NRL: variants seen among roughly 807,000 people sequenced by gnomAD.
NRL encodes neural retina-specific leucine zipper protein.
In NRL, 16 loss-of-function variants were observed where a neutral mutation model predicts 12.5. The observed-to-expected ratio is 1.28, with a 90% CI of 0.87 to 1.95. The LOEUF (loss-of-function observed/expected upper bound fraction) is 1.95, where lower values mean the gene tolerates loss of function less well. Among genes scored for constraint, NRL ranks in the 30% most tolerant of loss-of-function variants. The probability of loss-of-function intolerance (pLI) is 0.00; values close to 1 mark genes in which losing one functional copy is unlikely to be tolerated. For synonymous variants in NRL, 142 were observed against 150.9 expected, an observed-to-expected ratio of 0.94 and a Z score of 0.43; for missense variants, 314 against 325.8, an observed-to-expected ratio of 0.96 and a Z score of 0.28.
chr14:24,102,694 G>A (rs2037209000), intron 1 of NRL: 2 of 1,426,918 alleles, frequency 1.4e-6, no homozygotes, highest in East Asian at 2.3e-5. Context: ...GCCCATGTAT[G>A]TGTGTGTTGG....
At chr14:24,103,305 C>T (rs370135359) in intron 1 of NRL, 634 of 1,439,568 alleles carry the variant, frequency 4.4e-4, no homozygotes, top group Non-Finnish European at 5.7e-4. Flanking sequence ...CACAGCACGT[C>T]CTCTCTCCCT....
intron 1 of NRL, chr14:24,100,383 C>T (rs1594303291): frequency 2.9e-6 from 4 of 1,388,034 alleles, no homozygotes; most frequent in Non-Finnish European, 3.8e-6. Flanking sequence ...GTCCCAACTC[C>T]ACCAGTCACT....
At chr14:24,099,412 C>A in intron 1 of NRL, 2 of 1,001,076 alleles carry the variant, frequency 2.0e-6, no homozygotes, top group Non-Finnish European at 2.9e-6. Context: ...TCCCCTGCCA[C>A]TAACCCAGGC....
chr14:24,099,066 T>G, intron 1 of NRL: 1 of 1,603,522 alleles, frequency 6.2e-7, no homozygotes, highest in Non-Finnish European at 8.5e-7. Flanking sequence ...AGTGAGCCAG[T>G]GGCCGTGCAA....
rs2036262174 is a variant in NRL at position 24,080,963 on chromosome 14, C to T, written c.*273G>A. ...GTCACCACACTTCCACCCCCCAGTGCCTGGCACTGGTCCCTGCAGAGCTCA... is the reference window on the plus strand; with the variant it reads ...GTCACCACACTTCCACCCCCCAGTGTCTGGCACTGGTCCCTGCAGAGCTCA... On this transcript the variant is annotated 3_prime_UTR_variant, in exon 3 of 3. Transcript: ENST00000561028. 2 of 348,124 alleles carry T rather than the reference C, an allele frequency of 5.7e-6. No homozygotes were observed. Among genetic ancestry groups the T allele is most frequent in the Admixed American group, 9.6e-5 (2 of 20,816 alleles). 21.6% of individuals were successfully genotyped at this position (348,124 alleles called of 1,614,324 possible).
intron 1 of NRL, chr14:24,095,284 G>T: frequency 2.2e-6 from 1 of 452,872 alleles, no homozygotes; most frequent in Non-Finnish European, 4.4e-6. Flanking sequence ...GATAACGTGA[G>T]CCAGGCTCCA....
intron 1 of NRL, chr14:24,103,416 T>G (rs758340599): frequency 3.2e-6 from 4 of 1,254,216 alleles, no homozygotes; most frequent in Non-Finnish European, 4.5e-6. Flanking sequence ...TTCAGAACCA[T>G]AAGCCTTTCA....
chr14:24,082,041 G>A, intron 2 of NRL: 1 of 1,203,898 alleles, frequency 8.3e-7, no homozygotes, highest in Non-Finnish European at 1.0e-6. Context: ...AATAGGATGA[G>A]TCCCAATCCT....
intron 1 of NRL, among the ~76,000 whole-genome samples, chr14:24,090,906 T>G (rs1177017587): frequency 3.9e-5 from 6 of 152,246 alleles, no homozygotes; most frequent in Non-Finnish European, 7.3e-5. Flanking sequence ...TCATTCATTC[T>G]TTTATTCAAC....
chr14:24,114,139 T>G (rs1594328094), intron 1 of NRL: 1 of 152,050 alleles, frequency 6.6e-6, no homozygotes, highest in Non-Finnish European at 1.5e-5. Context: ...GGTCTGCAAA[T>G]CCCGGAGGGC....
At position 24,097,125 on chromosome 14, in the gene NRL, A is replaced by G. The variant is rs533717139; in HGVS notation, c.-27-14250T>C. On this transcript the variant is annotated intron_variant, in intron 1 of 2. Transcript: ENST00000561028. Reference sequence around the variant, plus strand: ...CAGGGCCTCATCCGAAAGCTCCCCAAGTACAATAACTGGTAAGCCTTGGGC... The same window carrying G: ...CAGGGCCTCATCCGAAAGCTCCCCAGGTACAATAACTGGTAAGCCTTGGGC... The G allele has an allele frequency of 6.2e-6, 10 of 1,613,988 alleles. 1 individual carries two copies. The South Asian group carries it at 1.1e-4, about 18-fold the overall frequency.
At position 24,094,184 on chromosome 14, in the gene NRL, GC is replaced by G; in HGVS notation, c.-27-11310del. The G allele has an allele frequency of 3.6e-6, 2 of 559,884 alleles. No homozygotes were observed. Among genetic ancestry groups the G allele is most frequent in the Non-Finnish European group, 6.2e-6 (2 of 322,880 alleles). The allele number at this position is 559,884 out of a possible 1,614,324, so 34.7% of individuals were successfully genotyped here. ...GGGGCGGCGGCTGGGCTGACCTGGA[GC>G]CTGGAGCCCCGGGGCCGAGGGAGCT... On this transcript the variant is annotated intron_variant, in intron 1 of 2. Transcript: ENST00000561028. The surrounding 1 kb of genome is among the most constrained non-coding windows in gnomAD (Gnocchi z 4.1).
chr14:24,114,166 G>A (rs527729268), intron 1 of NRL: 1 of 152,424 alleles, frequency 6.6e-6, no homozygotes, highest in Non-Finnish European at 1.5e-5. Flanking sequence ...AGCGTCAAAG[G>A]GGACAGCGGA....
intron 1 of NRL, 26 bp downstream of exon 1, chr14:24,114,696 G>A (rs1261917703): frequency 1.0e-6 from 1 of 985,834 alleles, no homozygotes; most frequent in East Asian, 1.1e-4. Flanking sequence ...CCTCCCCTCA[G>A]GCACCTCGCG....
chr14:24,103,253 A>G, intron 1 of NRL: 1 of 1,611,322 alleles, frequency 6.2e-7, no homozygotes, highest in Non-Finnish European at 8.5e-7. Context: ...GCAGAACACA[A>G]AGGTGAGCAC....
At chr14:24,095,464 G>T (rs1423305097) in intron 1 of NRL, 1 of 337,712 alleles carries the variant, frequency 3.0e-6, no homozygotes, top group East Asian at 7.6e-5. Context: ...TTCTACCCCA[G>T]ACAGACTCAA....
At chr14:24,108,061 G>A in intron 1 of NRL, among the ~76,000 whole-genome samples, 1 of 152,182 alleles carries the variant, frequency 6.6e-6, no homozygotes, top group East Asian at 1.9e-4. Context: ...AAAAAGAGCT[G>A]AGTCCTTTTG....
chr14:24,098,771 T>TG, intron 1 of NRL: 1 of 1,093,124 alleles, frequency 9.1e-7, no homozygotes, highest in Non-Finnish European at 1.3e-6. Flanking sequence ...CCTAAGAACC[T>TG]GTCCTCTCTG....
rs371046144 is a variant in NRL at position 24,112,291 on chromosome 14, A to G, written c.-28+2431T>C. Among the ~76,000 whole-genome samples the G allele has an allele frequency of 5.0e-4, 73 of 144,588 alleles. 3 individuals carry two copies. The East Asian group carries it at 9.6e-3, about 19-fold the overall frequency. 94.9% of individuals were successfully genotyped at this position (144,588 alleles called of 152,430 possible). A position where few individuals can be genotyped will look rare whatever the true frequency, so the allele number is the denominator to read the frequency against. Reference sequence around the variant, plus strand: ...AATGTTCATCAAGGATATTGGTCTAAAATTCTCTTTTTTGGTTGTGTCTCT... The same window carrying G: ...AATGTTCATCAAGGATATTGGTCTAGAATTCTCTTTTTTGGTTGTGTCTCT... On this transcript the variant is annotated intron_variant, in intron 1 of 2. Coordinates refer to ENST00000561028, the MANE Select transcript of NRL (RefSeq NM_001354768.3).
Sources: gnomAD v4.1 joint callset for allele counts (sites outside exome capture counted in the v4.1 genomes callset) on GRCh38, gnomAD v4.1.1 for gene constraint, Gnocchi (gnomAD v3.1) non-coding constraint, MANE v1.5 for transcripts, NCBI Gene and HGNC (gene_info 2026-07-23, HGNC 2026-07-21) for gene names.